The following CNTNAP2 variants were observed in gnomAD, a reference collection of about 807,000 sequenced individuals.
The protein encoded by CNTNAP2 is contactin-associated protein-like 2.
Under a neutral mutation model 155.2 loss-of-function variants are expected in CNTNAP2, and 98 were observed. The observed-to-expected ratio is 0.63, with a 90% CI of 0.54 to 0.75. CNTNAP2 has a LOEUF of 0.75. Among genes scored for constraint, CNTNAP2 ranks in the 30% least tolerant of loss-of-function variants. CNTNAP2 has a pLI of 0.00. For synonymous variants in CNTNAP2, 651 were observed against 631.2 expected (o/e 1.03, Z -0.47); for missense variants, 1,727 against 1,688.1 (o/e 1.02, Z -0.40).
intron 4 of CNTNAP2, among the ~76,000 whole-genome samples, chr7:147,067,032 C>T (rs1358126224): frequency 2.6e-5 from 4 of 152,248 alleles, no homozygotes; most frequent in South Asian, 4.1e-4. Context: ...TTGGCTGACG[C>T]CTGTAATCCC....
At chr7:147,346,904 C>G (rs1431230005) in intron 9 of CNTNAP2, among the ~76,000 whole-genome samples, 3 of 152,096 alleles carry the variant, frequency 2.0e-5, no homozygotes, top group Admixed American at 6.5e-5. Context: ...ACATGTTACT[C>G]TTAGTCCTGT....
At chr7:148,116,585 T>G (rs1184644642) in intron 15 of CNTNAP2, among the ~76,000 whole-genome samples, 1 of 152,218 alleles carries the variant, frequency 6.6e-6, no homozygotes, top group African/African-American at 2.4e-5. Context: ...AGTTTATCTT[T>G]TAACATGCCT....
intron 17 of CNTNAP2, 94 bp from the exon 18 acceptor site, chr7:148,172,148 A>C: frequency 8.6e-7 from 1 of 1,166,604 alleles, no homozygotes; most frequent in South Asian, 1.2e-5. Flanking sequence ...TGTGCTATGC[A>C]GTGTCATCTC....
chr7:147,346,697 G>A (rs1189561332), intron 9 of CNTNAP2, among the ~76,000 whole-genome samples: 3 of 152,084 alleles, frequency 2.0e-5, no homozygotes, highest in Admixed American at 6.5e-5. Flanking sequence ...AATTTACACA[G>A]CAAATTTTAA....
At chr7:148,164,366 T>A (rs1209840609) in intron 17 of CNTNAP2, among the ~76,000 whole-genome samples, 1 of 151,964 alleles carries the variant, frequency 6.6e-6, no homozygotes, top group Non-Finnish European at 1.5e-5. Flanking sequence ...CCCAAACACA[T>A]AGCTGCTTTT....
intron 9 of CNTNAP2, among the ~76,000 whole-genome samples, chr7:147,385,630 G>A (rs1268487125): frequency 1.3e-5 from 2 of 152,236 alleles, no homozygotes; most frequent in African/African-American, 2.4e-5. Flanking sequence ...AGATGCAAGA[G>A]GTGGGCCCCC....
chr7:147,016,459 C>T (rs1798725427), intron 3 of CNTNAP2, among the ~76,000 whole-genome samples: 1 of 151,954 alleles, frequency 6.6e-6, no homozygotes, highest in Non-Finnish European at 1.5e-5. Context: ...GAATTAAAAA[C>T]ATACTATAAA....
At chr7:147,044,436 T>G (rs776915267) in intron 4 of CNTNAP2, among the ~76,000 whole-genome samples, 5 of 152,182 alleles carry the variant, frequency 3.3e-5, no homozygotes, top group Admixed American at 6.5e-5. Flanking sequence ...GTCTTTATTA[T>G]GGGTTTTGAA....
chr7:147,024,177 T>C (rs1480094346), intron 3 of CNTNAP2, among the ~76,000 whole-genome samples: 1 of 152,204 alleles, frequency 6.6e-6, no homozygotes, highest in Non-Finnish European at 1.5e-5. Flanking sequence ...AATTCAAAAA[T>C]GACAGCCAAA....
chr7:147,494,468 CA>C (rs10562874), intron 11 of CNTNAP2, among the ~76,000 whole-genome samples: 4,654 of 116,230 alleles, frequency 0.04, 78 homozygotes, highest in African/African-American at 0.08. Flanking sequence ...TGAGTCTTGG[CA>C]AAAAAAAAAA....
chr7:146,773,520 C>G (rs555672221), intron 1 of CNTNAP2, among the ~76,000 whole-genome samples: 1 of 152,196 alleles, frequency 6.6e-6, no homozygotes, highest in Non-Finnish European at 1.5e-5. Context: ...CTCAGCCTCC[C>G]GAATACCTGG....
intron 3 of CNTNAP2, among the ~76,000 whole-genome samples, chr7:146,998,208 T>G (rs946155475): frequency 3.3e-5 from 5 of 152,058 alleles, no homozygotes; most frequent in Non-Finnish European, 5.9e-5. Context: ...TTTTGCTATA[T>G]CCCGCAGAAT....
intron 1 of CNTNAP2, among the ~76,000 whole-genome samples, chr7:146,693,375 A>C (rs1245970921): frequency 6.6e-6 from 1 of 151,992 alleles, no homozygotes; most frequent in African/African-American, 2.4e-5. Flanking sequence ...TAATTTATTC[A>C]ATCAAAATTT....
intron 12 of CNTNAP2, among the ~76,000 whole-genome samples, chr7:147,605,659 A>T (rs10952702): frequency 6.6e-6 from 1 of 151,916 alleles, no homozygotes; most frequent in African/African-American, 2.4e-5. Flanking sequence ...TTCATGACAA[A>T]TGTGTTTCTT....
intron 8 of CNTNAP2, among the ~76,000 whole-genome samples, chr7:147,264,182 T>A (rs1804555630): frequency 6.6e-6 from 1 of 152,152 alleles, no homozygotes; most frequent in South Asian, 2.1e-4. Flanking sequence ...GAAAAATGAT[T>A]ACTCAAAGAA....
rs1222046090 is a variant in CNTNAP2, at chr7:148,283,300, AAAGAAAGGAAGGAAGGAAGG to A, written c.3475+16177_3475+16196del. ...GAAAGAAAGAAAGAAAGAAAGAAAG[AAAGAAAGGAAGGAAGGAAGG>A]AAAGAAAGAAAGAATTCTTATTATT... On this transcript the variant is annotated intron_variant, in intron 21 of 23. Transcript: ENST00000361727. 2.2e-4 allele frequency among the ~76,000 whole-genome samples: 22 copies of A among 99,298 alleles called. 1 individual carries two copies. Among genetic ancestry groups the A allele is most frequent in the African/African-American group, 1.0e-3 (18 of 17,236 alleles). The allele number at this position is 99,298 out of a possible 152,430, so 65.1% of individuals were successfully genotyped here. A position where few individuals can be genotyped will look rare whatever the true frequency, so the allele number is the denominator to read the frequency against.
intron 13 of CNTNAP2, among the ~76,000 whole-genome samples, chr7:147,752,188 T>A (rs1197139767): frequency 1.3e-5 from 2 of 152,230 alleles, no homozygotes; most frequent in East Asian, 1.9e-4. Flanking sequence ...TCCTTTTTAA[T>A]TGAACAGAAG....
At position 146,855,165 on chromosome 7, in the gene CNTNAP2, C is replaced by A. The variant is rs367881237; in HGVS notation, c.402+15261C>A. Among the ~76,000 whole-genome samples, 10 of 152,176 alleles carry A rather than the reference C, an allele frequency of 6.6e-5. No homozygotes were observed. In the East Asian group the frequency reaches 1.4e-3, roughly 21 times the overall value. On this transcript the variant is annotated intron_variant, in intron 3 of 23. Coordinates refer to ENST00000361727, the MANE Select transcript of CNTNAP2 (RefSeq NM_014141.6). ...ATCTCACCAATCAGGTTGGCAAAGA[C>A]CGAAAAGGTTGTTTATACACTCTTT... is the stretch of plus-strand genomic sequence containing the variant.
At chr7:146,653,785 CT>C (rs1321317239) in intron 1 of CNTNAP2, among the ~76,000 whole-genome samples, 2 of 151,906 alleles carry the variant, frequency 1.3e-5, no homozygotes, top group East Asian at 3.9e-4. Context: ...TCATTTAGTC[CT>C]TAAATACATT....
Sources: gnomAD v4.1 joint callset for allele counts (sites outside exome capture counted in the v4.1 genomes callset) on GRCh38, gnomAD v4.1.1 for gene constraint, MANE v1.5 for transcripts, NCBI Gene and HGNC (gene_info 2026-07-23, HGNC 2026-07-21) for gene names.